CEP192: variants seen among roughly 807,000 people sequenced by gnomAD.
The protein encoded by CEP192 is centrosomal protein of 192 kDa.
In CEP192, 151 loss-of-function variants were observed where a neutral mutation model predicts 271.8. The ratio of observed to expected loss-of-function variants is 0.56; its 90% CI spans 0.49 to 0.64. The LOEUF is 0.64. CEP192 is among the 30% of genes least tolerant of loss of function. The probability of loss-of-function intolerance (pLI) is 0.00; values close to 1 mark genes in which losing one functional copy is unlikely to be tolerated. For synonymous variants in CEP192, 995 were observed against 1,076.5 expected, an observed-to-expected ratio of 0.92 and a Z score of 1.48; for missense variants, 2,910 against 3,020.5, an observed-to-expected ratio of 0.96 and a Z score of 0.86.
chr18:12,998,723 TATTTCCTTTACTG>T (rs1170108777), intron 1 of CEP192, among the ~76,000 whole-genome samples: 2 of 152,190 alleles, frequency 1.3e-5, no homozygotes, highest in African/African-American at 4.8e-5. Context: ...CTTCTGCCAT[TATTTCCTTTACTG>T]ATTTCCATGC....
At chr18:13,069,269 G>C (rs1224095630) in intron 26 of CEP192, 88 bp downstream of exon 26, 15 of 1,120,892 alleles carry the variant, frequency 1.3e-5, no homozygotes, top group Non-Finnish European at 1.9e-5. Flanking sequence ...TGCTCTTCCT[G>C]GCCCAACAGA....
At position 13,099,563 on chromosome 18, in the gene CEP192, C is replaced by A; in HGVS notation, c.6645C>A (p.His2215Gln). The A allele has an allele frequency of 6.4e-7, 1 of 1,566,710 alleles. No homozygotes were observed. Among genetic ancestry groups the A allele is most frequent in the Non-Finnish European group, 8.7e-7 (1 of 1,155,810 alleles). The change falls in exon 37 of 45, where the codon CAC (histidine) becomes CAA (glutamine). Residue 2215 changes from histidine to glutamine, a missense_variant. His to Gln is a conservative substitution (Grantham distance 24, BLOSUM62 0). Transcript: ENST00000506447. ...CGTGGAGTGGTTTGATCTATATACA[C>A]TGTGACGATGGACAGAAGGTACTTT... ...MFPWSGLIYIHCDDGQKKIVK... is the reference protein window; with the variant it reads ...MFPWSGLIYIQCDDGQKKIVK...
intron 40 of CEP192, among the ~76,000 whole-genome samples, chr18:13,108,042 A>G (rs1262598864): frequency 6.6e-6 from 1 of 152,180 alleles, no homozygotes; most frequent in East Asian, 1.9e-4. Context: ...AAAAATAAGC[A>G]ATGGGGAAAG....
At position 13,002,283 on chromosome 18, in the gene CEP192, AT is replaced by A. The variant is rs56360916; in HGVS notation, c.290+712del. Reference sequence around the variant, plus strand: ...TATAGAAAAAGAAAAATGAAAATAAATTTTTTTTTTTACAAAATAAGATTAA... The same window carrying A: ...TATAGAAAAAGAAAAATGAAAATAAATTTTTTTTTTACAAAATAAGATTAA... On this transcript the variant is annotated intron_variant, in intron 3 of 44. Transcript: ENST00000506447. Among the ~76,000 whole-genome samples the A allele has an allele frequency of 6.5e-3, 963 of 147,884 alleles. 15 individuals are homozygous for A. Among genetic ancestry groups the A allele is most frequent in the African/African-American group, 0.022 (875 of 39,792 alleles).
In CEP192 at chr18:13,120,382, T is replaced by C. The variant is rs527447055; in HGVS notation, c.7475+2739T>C. 7.0e-4 allele frequency among the ~76,000 whole-genome samples: 106 copies of C among 152,342 alleles called. 1 individual carries two copies. The highest frequency in any genetic ancestry group is 3.4e-3 in the Middle Eastern group (1 of 294). ...GTGTTCCTTGCTGGTCATGTAAAAG[T>C]AGACATTTTTGTGGACGTTAACTTG... On this transcript the variant is annotated intron_variant, in intron 44 of 44. Coordinates refer to ENST00000506447, the MANE Select transcript of CEP192 (RefSeq NM_032142.4).
chr18:13,113,986 A>G, intron 41 of CEP192, 144 bp from the exon 42 acceptor site: 5 of 923,874 alleles, frequency 5.4e-6, no homozygotes, highest in East Asian at 2.6e-5. Context: ...GACAGAGTAC[A>G]GAGCTTGCAA....
At chr18:13,036,735 G>C (rs1388587185) in intron 11 of CEP192, among the ~76,000 whole-genome samples, 1 of 152,238 alleles carries the variant, frequency 6.6e-6, no homozygotes, top group Non-Finnish European at 1.5e-5. Flanking sequence ...TTCCCAGGGA[G>C]GGCTGAGGTG....
chr18:13,032,175 T>C (rs2035668853), intron 11 of CEP192, among the ~76,000 whole-genome samples: 1 of 152,148 alleles, frequency 6.6e-6, no homozygotes, highest in South Asian at 2.1e-4. Flanking sequence ...GTTGTAGAAA[T>C]CTAGATGTCC....
chr18:13,095,706 C>T, intron 35 of CEP192, 25 bp downstream of exon 35: 1 of 1,603,040 alleles, frequency 6.2e-7, no homozygotes, highest in African/African-American at 1.3e-5. Flanking sequence ...TGTGACACCT[C>T]AGAGGTGTGT....
chr18:13,030,445 T>G lies in CEP192; in HGVS notation c.1391-20T>G. ...GTTGTTACATGTGTCATTTGATATTTTGGGAATTTTATTTTTTAGAAACAG... is the reference window on the plus strand; with the variant it reads ...GTTGTTACATGTGTCATTTGATATTGTGGGAATTTTATTTTTTAGAAACAG... On this transcript the variant is annotated intron_variant, in intron 10 of 44. Coordinates refer to ENST00000506447, the MANE Select transcript of CEP192 (RefSeq NM_032142.4). 2 of 1,530,566 alleles carry G rather than the reference T, an allele frequency of 1.3e-6. No individual in the cohort carries two copies. 94.8% of individuals were successfully genotyped at this position (1,530,566 alleles called of 1,614,324 possible).
At chr18:12,999,322 T>C in intron 1 of CEP192, 99 bp from the exon 2 acceptor site, 1 of 984,456 alleles carries the variant, frequency 1.0e-6, no homozygotes, top group Non-Finnish European at 1.4e-6. Context: ...AAAAGGATTT[T>C]TTTCCTAAGA....
At chr18:13,111,355 G>A (rs1472935988) in intron 40 of CEP192, among the ~76,000 whole-genome samples, 1 of 152,126 alleles carries the variant, frequency 6.6e-6, no homozygotes, top group Non-Finnish European at 1.5e-5. Flanking sequence ...TCGATCTCCT[G>A]ACCTTGTGAT....
intron 32 of CEP192, among the ~76,000 whole-genome samples, chr18:13,088,118 T>C (rs1313728450): frequency 1.3e-5 from 2 of 152,236 alleles, no homozygotes; most frequent in Non-Finnish European, 2.9e-5. Flanking sequence ...GTTTAACTTG[T>C]AGATACTTAA....
chr18:13,055,547 C>T (rs2037048718), intron 18 of CEP192, among the ~76,000 whole-genome samples: 1 of 152,162 alleles, frequency 6.6e-6, no homozygotes, highest in East Asian at 1.9e-4. Context: ...TAGTGTATAC[C>T]TCCTATTTAT....
At chr18:13,057,188 G>A (rs1234917636) in intron 19 of CEP192, among the ~76,000 whole-genome samples, 1 of 152,038 alleles carries the variant, frequency 6.6e-6, no homozygotes, top group Non-Finnish European at 1.5e-5. Flanking sequence ...TGGAACATAG[G>A]TGGTGGTATT....
intron 11 of CEP192, among the ~76,000 whole-genome samples, chr18:13,031,685 G>GT (rs759581964): frequency 1.3e-5 from 2 of 152,222 alleles, no homozygotes; most frequent in East Asian, 3.9e-4. Context: ...TTAAGAAACT[G>GT]TTTATCAGCC....
chr18:13,068,763 C>T, intron 24 of CEP192, 89 bp from the exon 25 acceptor site: 3 of 1,375,942 alleles, frequency 2.2e-6, no homozygotes, highest in Non-Finnish European at 3.1e-6. Context: ...TTTCTTATTG[C>T]CCCTAAGGGC....
intron 7 of CEP192, among the ~76,000 whole-genome samples, chr18:13,018,035 G>A (rs537961979): frequency 1.5e-4 from 23 of 152,092 alleles, no homozygotes; most frequent in African/African-American, 5.3e-4. Flanking sequence ...TAGATTAAAC[G>A]TTTTGGCAAG....
intron 1 of CEP192, among the ~76,000 whole-genome samples, chr18:12,998,986 A>G (rs906200067): frequency 6.6e-6 from 1 of 152,294 alleles, no homozygotes; most frequent in Non-Finnish European, 1.5e-5. Flanking sequence ...GATCCGGGCT[A>G]GATTTTTGCT....
Sources: allele counts gnomAD v4.1 joint callset (sites outside exome capture counted in the v4.1 genomes callset), GRCh38; gene constraint gnomAD v4.1.1; transcripts MANE v1.5; gene names NCBI Gene and HGNC (gene_info 2026-07-23, HGNC 2026-07-21).